NRG1: variants seen among roughly 807,000 people sequenced by gnomAD.
The protein encoded by NRG1 is neuregulin 1.
A neutral mutation model predicts 63.8 loss-of-function variants in NRG1; 18 were observed. That is an observed-to-expected ratio of 0.28 (90% CI 0.19 to 0.42). The LOEUF (loss-of-function observed/expected upper bound fraction) is 0.42. Among genes scored for constraint, NRG1 ranks in the 10% least tolerant of loss-of-function variants. NRG1 has a pLI of 1.00. For missense variants in NRG1, 762 were observed against 814.7 expected (o/e 0.94, Z 0.79); for synonymous variants, 302 against 301.3 (o/e 1.00, Z -0.02).
At chr8:32,083,158 T>A (rs997144355) in intron 1 of NRG1, among the ~76,000 whole-genome samples, 23 of 152,070 alleles carry the variant, frequency 1.5e-4, no homozygotes, top group Non-Finnish European at 7.4e-5. Context: ...CCAAGCTTAG[T>A]ATCATGTGTA....
chr8:31,792,580 A>C (rs991670740), intron 1 of NRG1, among the ~76,000 whole-genome samples: 1 of 152,260 alleles, frequency 6.6e-6, no homozygotes, highest in African/African-American at 2.4e-5. Flanking sequence ...AGATTAGTAA[A>C]AATTTAATAC....
intron 1 of NRG1, among the ~76,000 whole-genome samples, chr8:31,968,610 A>G (rs1806765976): frequency 6.6e-6 from 1 of 152,156 alleles, no homozygotes. Context: ...TAGTTGCCTG[A>G]CTTTTCTGCC....
At chr8:31,642,008 C>G (rs773132504) in intron 1 of NRG1, among the ~76,000 whole-genome samples, 4 of 152,184 alleles carry the variant, frequency 2.6e-5, no homozygotes, top group Non-Finnish European at 5.9e-5. Context: ...ATTCCCTTAT[C>G]TGAACAATGT....
chr8:31,961,019 A>T (rs1339300935), intron 1 of NRG1, among the ~76,000 whole-genome samples: 1 of 151,722 alleles, frequency 6.6e-6, no homozygotes, highest in African/African-American at 2.4e-5. Flanking sequence ...AGTCCTTGGA[A>T]TTTTTTTTTC....
intron 1 of NRG1, among the ~76,000 whole-genome samples, chr8:31,894,223 A>C (rs1414445286): frequency 2.0e-5 from 3 of 152,212 alleles, no homozygotes; most frequent in African/African-American, 2.4e-5. Flanking sequence ...TGCATCTACT[A>C]TTTCAAGAAT....
chr8:32,208,899 T>A (rs909440036), intron 1 of NRG1, among the ~76,000 whole-genome samples: 3 of 152,196 alleles, frequency 2.0e-5, no homozygotes, highest in African/African-American at 7.2e-5. Flanking sequence ...TAATTTTTGT[T>A]TTCTTATACA....
intron 1 of NRG1, among the ~76,000 whole-genome samples, chr8:32,001,213 A>G (rs932785232): frequency 1.6e-4 from 25 of 152,042 alleles, no homozygotes; most frequent in African/African-American, 5.8e-4. Context: ...CTTGAATTGT[A>G]ATAATCCCCA....
intron 1 of NRG1, among the ~76,000 whole-genome samples, chr8:32,439,271 T>TA (rs1819198870): frequency 6.6e-6 from 1 of 152,194 alleles, no homozygotes; most frequent in Admixed American, 6.5e-5. Flanking sequence ...AAACATTTGT[T>TA]AAAAACGTAC....
chr8:32,365,491 C>A (rs960914234), intron 1 of NRG1, among the ~76,000 whole-genome samples: 3 of 151,934 alleles, frequency 2.0e-5, no homozygotes, highest in African/African-American at 7.3e-5. Context: ...AATTCCTATA[C>A]TTTTATGGGT....
intron 1 of NRG1, among the ~76,000 whole-genome samples, chr8:31,756,462 C>T (rs984034503): frequency 6.6e-6 from 1 of 152,040 alleles, no homozygotes; most frequent in Non-Finnish European, 1.5e-5. Flanking sequence ...ACCCTGTTGA[C>T]TGAGGAATGC....
chr8:31,661,304 A>C lies in NRG1; in HGVS notation c.37+21873A>C, dbSNP rs530437450. Among the ~76,000 whole-genome samples the C allele has an allele frequency of 1.5e-3, 225 of 152,312 alleles. 1 individual carries two copies. Among genetic ancestry groups the C allele is most frequent in the African/African-American group, 5.2e-3 (217 of 41,568 alleles). On this transcript the variant is annotated intron_variant, in intron 1 of 10. Transcript: ENST00000519301. ...GTCTGACCGCCTTTTATCTGTTTTA[A>C]TGAAGGTAATTAAAATTCCTCAGCT...
chr8:32,770,800 G>A (rs1278502876), downstream of NRG1, among the ~76,000 whole-genome samples: 1 of 152,138 alleles, frequency 6.6e-6, no homozygotes, highest in African/African-American at 2.4e-5. Context: ...CAAGACCGTG[G>A]TGTGGTCAGG....
chr8:32,052,173 A>T (rs1183186205), intron 1 of NRG1, among the ~76,000 whole-genome samples: 2 of 151,720 alleles, frequency 1.3e-5, no homozygotes, highest in African/African-American at 4.8e-5. Flanking sequence ...CTCAAAAGGG[A>T]TATTAAGCTT....
intron 1 of NRG1, among the ~76,000 whole-genome samples, chr8:31,749,173 C>G (rs996754591): frequency 1.3e-5 from 2 of 151,694 alleles, no homozygotes; most frequent in African/African-American, 4.8e-5. Flanking sequence ...AGTATAATAT[C>G]AACTCTAGAA....
At chr8:32,354,605 T>C (rs1806100061) in intron 1 of NRG1, among the ~76,000 whole-genome samples, 1 of 151,380 alleles carries the variant, frequency 6.6e-6, no homozygotes, top group South Asian at 2.1e-4. Flanking sequence ...ACTGTAAATA[T>C]GTGCAGGCTG....
chr8:32,430,721 T>G (rs1279179343), intron 1 of NRG1, among the ~76,000 whole-genome samples: 1 of 152,014 alleles, frequency 6.6e-6, no homozygotes, highest in Non-Finnish European at 1.5e-5. Context: ...TACTAGAAAA[T>G]ATGTCATTTG....
At chr8:32,040,961 T>C (rs113490374) in intron 1 of NRG1, among the ~76,000 whole-genome samples, 13,006 of 151,158 alleles carry the variant, frequency 0.086, 860 homozygotes, top group African/African-American at 0.19. Context: ...AAAATTGAAT[T>C]CCCTTCTTAC....
chr8:31,647,498 C>G (rs1168569404), intron 1 of NRG1, among the ~76,000 whole-genome samples: 1 of 152,168 alleles, frequency 6.6e-6, no homozygotes, highest in Non-Finnish European at 1.5e-5. Context: ...GGGAGCATCC[C>G]GTCTGTACCT....
At chr8:32,131,525 C>T (rs1275529101) in intron 1 of NRG1, among the ~76,000 whole-genome samples, 1 of 152,136 alleles carries the variant, frequency 6.6e-6, no homozygotes, top group Non-Finnish European at 1.5e-5. Context: ...TTCAGTTCTA[C>T]CAAATGTCTC....
Sources: gnomAD v4.1 joint callset for allele counts (sites outside exome capture counted in the v4.1 genomes callset) on GRCh38, gnomAD v4.1.1 for gene constraint, MANE v1.5 for transcripts, NCBI Gene and HGNC (gene_info 2026-07-23, HGNC 2026-07-21) for gene names.